Variants in MYO15A observed in about 807,000 individuals in gnomAD.
MYO15A encodes the protein myosin XVA.
In MYO15A, 308 loss-of-function variants were observed where a neutral mutation model predicts 394.6. The ratio of observed to expected loss-of-function variants is 0.78; its 90% CI spans 0.71 to 0.86. MYO15A has a LOEUF of 0.86. MYO15A is among the 40% of genes least tolerant of loss of function. MYO15A has a pLI of 0.00. For synonymous variants in MYO15A, 1,957 were observed against 2,003.8 expected (o/e 0.98, Z 0.62); for missense variants, 4,606 against 4,799.1 (o/e 0.96, Z 1.19).
intron 56 of MYO15A, chr17:18,160,892 C>T: frequency 2.8e-6 from 1 of 360,802 alleles, no homozygotes; most frequent in East Asian, 7.3e-5. Flanking sequence ...ACTACCTCCT[C>T]ACTTGCTCTC....
At chr17:18,142,963 C>T in intron 25 of MYO15A, 123 bp downstream of exon 25, 1 of 848,994 alleles carries the variant, frequency 1.2e-6, no homozygotes, top group Non-Finnish European at 2.0e-6. Context: ...CTGCCACCCA[C>T]TAGCTCTTTA....
rs1336114240 is a variant in MYO15A, at chr17:18,159,625, G to A, written c.9249G>A (p.Gly3083=). 2 of 1,614,030 alleles carry A rather than the reference G, an allele frequency of 1.2e-6. No individual in the cohort carries two copies. Among genetic ancestry groups the A allele is most frequent in the Admixed American group, 1.7e-5 (1 of 60,008 alleles). Residue 3083 remains glycine, a synonymous_variant, in exon 55 of 66, where the codon GGG becomes GGA. Coordinates refer to ENST00000647165, the MANE Select transcript of MYO15A (RefSeq NM_016239.4). ...CTACAGCTGTAATGAGGTTCATGGG[G>A]GATGCCCCACTGAAGGGCCAGAGTG... ...DMFLAVMRFM[G]DAPLKGQSDL... is the part of the protein sequence containing the mutation.
At position 18,167,686 on chromosome 17, in the gene MYO15A, C is replaced by T. The variant is rs1345580310; in HGVS notation, c.10045C>T (p.Gln3349Ter). 1.2e-6 allele frequency: 2 copies of T among 1,604,222 alleles called. No individual in the cohort carries two copies. The highest frequency in any genetic ancestry group is 8.5e-7 in the Non-Finnish European group (1 of 1,179,980). The change falls in exon 62 of 66, where the codon CAG becomes TAG. Residue 3349 changes from glutamine (Q) to a stop codon, truncating the protein, a stop_gained. Coordinates refer to ENST00000647165, the MANE Select transcript of MYO15A (RefSeq NM_016239.4). LOFTEE classifies it high-confidence loss of function. ...GCAGGTGTCCAAGCTGGCTTCACTGCAGCATCGCGCCAAGGACCACTTCTA... is the reference window on the plus strand; with the variant it reads ...GCAGGTGTCCAAGCTGGCTTCACTGTAGCATCGCGCCAAGGACCACTTCTA... ...LQQVSKLASL[Q>*]HRAKDHFYLP... is the part of the protein sequence containing the mutation.
rs1344135525 is a variant in MYO15A, at chr17:18,120,035, C to T, written c.1235C>T (p.Pro412Leu). Residue 412 changes from proline to leucine, a missense_variant, in exon 2 of 66, where the codon CCC becomes CTC. Around this residue, in one of 2 missense-constraint regions of MYO15A, gnomAD observed 1,830 missense variants for 1,689.7 expected, o/e 1.08. Transcript: ENST00000647165. ...GAGTCGGCTTCGGCCTTTGTGTACCCCTGGGTACCACCGCCCATCCCGTCG... is the reference window on the plus strand; with the variant it reads ...GAGTCGGCTTCGGCCTTTGTGTACCTCTGGGTACCACCGCCCATCCCGTCG... ...PEESASAFVY[P>L]WVPPPIPSPH... The T allele has an allele frequency of 1.2e-6, 2 of 1,613,494 alleles. No individual in the cohort carries two copies. Among genetic ancestry groups the T allele is most frequent in the East Asian group, 2.2e-5 (1 of 44,882 alleles).
rs139300150 is a variant in MYO15A at position 18,166,533 on chromosome 17, T to G, written c.9948+12T>G. On this transcript the variant is annotated intron_variant, in intron 61 of 65. Coordinates refer to ENST00000647165, the MANE Select transcript of MYO15A (RefSeq NM_016239.4). ...TGCACTACAACCAGGTCAGCACACG[T>G]AGGCTTCTCTGGACTCTGGGACCTT... is the stretch of plus-strand genomic sequence containing the variant. 1.2e-6 allele frequency: 2 copies of G among 1,611,412 alleles called. No individual in the cohort carries two copies. The highest frequency in any genetic ancestry group is 4.5e-5 in the East Asian group (2 of 44,882).
At chr17:18,155,088 G>T in intron 45 of MYO15A, 22 bp from the exon 46 acceptor site, 1 of 1,605,556 alleles carries the variant, frequency 6.2e-7, no homozygotes, top group South Asian at 1.1e-5. Flanking sequence ...AGAGGGTCCT[G>T]ACCAGACCTG....
intron 58 of MYO15A, 123 bp from the exon 59 acceptor site, chr17:18,163,121 T>TGTTCCTGG (rs2046800047): frequency 9.7e-7 from 1 of 1,033,342 alleles, no homozygotes; most frequent in South Asian, 1.3e-5. Context: ...GTCCAGGTGC[T>TGTTCCTGG]CAAGTGTTCC....
chr17:18,150,787 G>A lies in MYO15A; in HGVS notation c.7395+22G>A. ...GCTGGTGAGTGAGGGAGGGACTGCTGGGGGGTGGAGAATGGACCTGCCTGG... is the reference window on the plus strand; with the variant it reads ...GCTGGTGAGTGAGGGAGGGACTGCTAGGGGGTGGAGAATGGACCTGCCTGG... On this transcript the variant is annotated intron_variant, in intron 37 of 65. Transcript: ENST00000647165. The surrounding 1 kb of genome is among the most constrained non-coding windows in gnomAD (Gnocchi z 4.4). 6.3e-7 allele frequency: 1 copy of A among 1,581,092 alleles called. No homozygotes were observed. The highest frequency in any genetic ancestry group is 8.6e-7 in the Non-Finnish European group (1 of 1,162,670).
rs1357703648 is a variant in MYO15A, at chr17:18,136,416, G to A, written c.4597-1G>A. 1.2e-6 allele frequency: 2 copies of A among 1,613,608 alleles called. No individual in the cohort carries two copies. The highest frequency in any genetic ancestry group is 1.7e-6 in the Non-Finnish European group (2 of 1,180,030). On this transcript the variant is annotated splice_acceptor_variant, in intron 13 of 65. Coordinates refer to ENST00000647165, the MANE Select transcript of MYO15A (RefSeq NM_016239.4). LOFTEE classifies it high-confidence loss of function. ...CACTCAAGGGCTGTGCCCGTCCCTA[G>A]GAGACAATGCGAGAGAAGATCTTCA...
At chr17:18,137,164 T>C (rs1468730362) in intron 15 of MYO15A, among the ~76,000 whole-genome samples, 1 of 152,220 alleles carries the variant, frequency 6.6e-6, no homozygotes, top group Non-Finnish European at 1.5e-5. Context: ...AAGATCACCA[T>C]GCAGCCATCA....
rs867739210 is a variant in MYO15A at position 18,131,271 on chromosome 17, C to T, written c.4071C>T (p.Phe1357=). The T allele has an allele frequency of 1.2e-6, 2 of 1,613,960 alleles. No individual in the cohort carries two copies. The highest frequency in any genetic ancestry group is 1.7e-5 in the Admixed American group (1 of 60,024). The part of the protein sequence containing the change: ...ILEATPLLES[F]GNAKTVRNDN... ...AGGCAACACCCCTCTTGGAGTCCTT[C>T]GGTAATGCCAAAACCGTCAGGAACG... The change falls in exon 9 of 66, where the codon TTC becomes TTT. Residue 1357 remains phenylalanine, a synonymous_variant. Coordinates refer to ENST00000647165, the MANE Select transcript of MYO15A (RefSeq NM_016239.4).
chr17:18,120,820 C>A lies in MYO15A; in HGVS notation c.2020C>A (p.Pro674Thr). ...PVPPRPPSSG[P>T]PPAPPLSPAL... is the part of the protein sequence containing the mutation. ...GCCCCCGCGGCCCCCAAGCTCCGGG[C>A]CCCCGCCCGCGCCGCCGCTCTCCCC... The change falls in exon 2 of 66, where the codon CCC becomes ACC. Residue 674 changes from proline to threonine, a missense_variant. By Grantham distance (38) the Pro-to-Thr change is conservative. Transcript: ENST00000647165. 3.4e-6 allele frequency: 4 copies of A among 1,192,968 alleles called. No homozygotes were observed. Among genetic ancestry groups the A allele is most frequent in the Non-Finnish European group, 4.2e-6 (4 of 963,158 alleles). 73.9% of individuals were successfully genotyped at this position (1,192,968 alleles called of 1,614,324 possible).
chr17:18,150,643 G>A lies in MYO15A; in HGVS notation c.7328-55G>A. ...GCCACAGCATGATGGGGGCTGAGAG[G>A]ACAGGGAGGAGGGCATCTCCGGTGC... is the stretch of plus-strand genomic sequence containing the variant. On this transcript the variant is annotated intron_variant, in intron 36 of 65. Transcript: ENST00000647165. This position sits in a 1 kb window ranked among gnomAD's most constrained non-coding sequence, Gnocchi z 4.4. The A allele has an allele frequency of 6.2e-6, 10 of 1,601,546 alleles. No individual in the cohort carries two copies. The highest frequency in any genetic ancestry group is 8.5e-6 in the Non-Finnish European group (10 of 1,173,018).
chr17:18,167,632 G>T lies in MYO15A; in HGVS notation c.9991G>T (p.Ala3331Ser). 1 of 1,603,846 alleles carries T rather than the reference G, an allele frequency of 6.2e-7. No individual in the cohort carries two copies. The change falls in exon 62 of 66, where the codon GCC becomes TCC. Residue 3331 changes from alanine (A) to serine (S), a missense_variant. Coordinates refer to ENST00000647165, the MANE Select transcript of MYO15A (RefSeq NM_016239.4). ...GAAGGGACTCTTCAGCAGTGTGCCGGCCAGCCGGCCCAGCGAGCAGCTGCT... is the reference window on the plus strand; with the variant it reads ...GAAGGGACTCTTCAGCAGTGTGCCGTCCAGCCGGCCCAGCGAGCAGCTGCT... The part of the protein sequence containing the change: ...YLKGLFSSVP[A>S]SRPSEQLLQQ...
chr17:18,159,231 G>T (rs749219155), intron 53 of MYO15A, 44 bp from the exon 54 acceptor site: 3 of 1,605,166 alleles, frequency 1.9e-6, no homozygotes, highest in Non-Finnish European at 2.6e-6. Context: ...TTTCTGTTCT[G>T]ACGTGTCCCT....
Position 18,153,780 on chromosome 17 carries a change from C to T in MYO15A, c.7972C>T (p.Pro2658Ser), listed in dbSNP as rs2046626502. 6.2e-7 allele frequency: 1 copy of T among 1,613,610 alleles called. No individual in the cohort carries two copies. The highest frequency in any genetic ancestry group is 1.7e-4 in the Middle Eastern group (1 of 6,060). The stretch of plus-strand genomic sequence containing the variant: ...CTGATCCCCGCGCTCTCCAGCTCTG[C>T]CCTCGCGATCGCTGGAGCCCCCTGA... ...RPSMAPTSAL[P>S]SRSLEPPEEL... The change falls in exon 43 of 66, where the codon CCC becomes TCC. Residue 2658 changes from proline (P) to serine (S), a missense_variant. Pro to Ser is a moderately conservative substitution (Grantham distance 74). Coordinates refer to ENST00000647165, the MANE Select transcript of MYO15A (RefSeq NM_016239.4). The surrounding 1 kb of genome is among the most constrained non-coding windows in gnomAD (Gnocchi z 4.1).
intron 64 of MYO15A, 99 bp downstream of exon 64, chr17:18,172,389 C>T (rs1047493588): frequency 2.0e-6 from 3 of 1,496,274 alleles, no homozygotes; most frequent in South Asian, 2.3e-5. Flanking sequence ...AAGCCCAGTT[C>T]CACTGCTTAC....
intron 7 of MYO15A, among the ~76,000 whole-genome samples, chr17:18,130,226 A>C (rs2046128571): frequency 6.6e-6 from 1 of 152,132 alleles, no homozygotes; most frequent in African/African-American, 2.4e-5. Flanking sequence ...TTGAGAGCCT[A>C]TTAAGCACCA....
Position 18,148,663 on chromosome 17 carries a change from C to T in MYO15A, c.6764+95C>T. The T allele has an allele frequency of 7.1e-6, 11 of 1,544,908 alleles. No individual in the cohort carries two copies. Among genetic ancestry groups the T allele is most frequent in the South Asian group, 3.6e-5 (3 of 83,930 alleles). On this transcript the variant is annotated intron_variant, in intron 32 of 65. Transcript: ENST00000647165. This position sits in a 1 kb window ranked among gnomAD's most constrained non-coding sequence, Gnocchi z 4.8. ...CCCAGAGGGTCCCATAGGGTCCATT[C>T]TGTTCATGTTTAGGGTCTGGCTTAT...
Sources: gnomAD v4.1 joint callset for allele counts (sites outside exome capture counted in the v4.1 genomes callset) on GRCh38, gnomAD v4.1.1 for gene constraint, gnomAD v4.1.1 regional missense constraint, Gnocchi (gnomAD v3.1) non-coding constraint, MANE v1.5 for transcripts, NCBI Gene and HGNC (gene_info 2026-07-23, HGNC 2026-07-21) for gene names.